The following HENMT1 variants were observed in gnomAD, a reference collection of about 807,000 sequenced individuals.
HENMT1 encodes HEN methyltransferase 1.
A neutral mutation model predicts 31.1 loss-of-function variants in HENMT1; 27 were observed. The ratio of observed to expected loss-of-function variants is 0.87; its 90% CI spans 0.64 to 1.20. HENMT1 has a LOEUF of 1.20. Ranked by LOEUF, HENMT1 falls within the 50% of genes most tolerant of loss-of-function variation. The pLI, the probability that HENMT1 is intolerant of heterozygous loss-of-function variation, is 0.00. For synonymous variants in HENMT1, 167 were observed against 172.2 expected, an observed-to-expected ratio of 0.97 and a Z score of 0.24; for missense variants, 438 against 469.6, an observed-to-expected ratio of 0.93 and a Z score of 0.62.
In HENMT1 at chr1:108,651,105, T is replaced by C. The variant is rs753365376; in HGVS notation, c.503A>G (p.Asn168Ser). ...IVISTPNSEF[N>S]PLFPSVTLRD... ...TAAGGTCACTGATGGAAACAGGGGA[T>C]TGAATTCAGAGTTTGGTGTGCTGAT... is the stretch of plus-strand genomic sequence containing the variant. Residue 168 changes from asparagine to serine, a missense_variant, in exon 6 of 8, where the codon AAT becomes AGT. By Grantham distance (46) the Asn-to-Ser change is conservative (BLOSUM62 1). Coordinates refer to ENST00000651461, the MANE Select transcript of HENMT1 (RefSeq NM_001102592.2). The C allele has an allele frequency of 1.9e-6, 3 of 1,613,954 alleles. No individual in the cohort carries two copies. Among genetic ancestry groups the C allele is most frequent in the Non-Finnish European group, 2.5e-6 (3 of 1,179,850 alleles).
intron 2 of HENMT1, among the ~76,000 whole-genome samples, chr1:108,658,904 G>A (rs555430798): frequency 1.3e-5 from 2 of 151,970 alleles, no homozygotes; most frequent in African/African-American, 4.8e-5. Context: ...GTAGTCCAAA[G>A]GGTATTTGAT....
chr1:108,656,966 C>A (rs191094497), intron 3 of HENMT1, among the ~76,000 whole-genome samples: 8 of 152,280 alleles, frequency 5.3e-5, no homozygotes, highest in Non-Finnish European at 1.2e-4. Context: ...AAGGAATCCA[C>A]CTGTGCTTTG....
chr1:108,656,498 CT>C (rs1167017266), intron 3 of HENMT1, among the ~76,000 whole-genome samples: 1 of 152,148 alleles, frequency 6.6e-6, no homozygotes, highest in Non-Finnish European at 1.5e-5. Flanking sequence ...ATCTAATTTT[CT>C]TTTTGAGACG....
chr1:108,658,008 C>T (rs1273045546), intron 2 of HENMT1, among the ~76,000 whole-genome samples: 5 of 144,182 alleles, frequency 3.5e-5, no homozygotes, highest in South Asian at 2.2e-4. Context: ...CACACACACA[C>T]ATATATGTAC....
At chr1:108,658,038 C>CAT (rs1289197785) in intron 2 of HENMT1, among the ~76,000 whole-genome samples, 5 of 123,758 alleles carry the variant, frequency 4.0e-5, no homozygotes, top group African/African-American at 7.1e-5. Context: ...CACACACACA[C>CAT]ATATATATAC....
In HENMT1 at chr1:108,648,473, A is replaced by G. The variant is rs1657940167; in HGVS notation, c.*93T>C. The stretch of plus-strand genomic sequence containing the variant: ...AGACTTTTGCAGTGAAACTTTAAAA[A>G]CATTACTTGAATTAGGATTACACAA... On this transcript the variant is annotated 3_prime_UTR_variant, in exon 8 of 8. Coordinates refer to ENST00000651461, the MANE Select transcript of HENMT1 (RefSeq NM_001102592.2). 9.2e-7 allele frequency: 1 copy of G among 1,081,782 alleles called. No individual in the cohort carries two copies. The highest frequency in any genetic ancestry group is 1.3e-6 in the Non-Finnish European group (1 of 760,852). 67.0% of individuals were successfully genotyped at this position (1,081,782 alleles called of 1,614,324 possible). A position where few individuals can be genotyped will look rare whatever the true frequency, so the allele number is the denominator to read the frequency against.
In HENMT1 at chr1:108,655,622, C is replaced by T. The variant is rs141386408; in HGVS notation, c.227G>A (p.Gly76Glu). 1 of 1,611,288 alleles carries T rather than the reference C, an allele frequency of 6.2e-7. No homozygotes were observed. Among genetic ancestry groups the T allele is most frequent in the Non-Finnish European group, 8.5e-7 (1 of 1,178,590 alleles). Residue 76 changes from glycine to glutamate, a missense_variant, in exon 4 of 8, where the codon GGA becomes GAA. By Grantham distance (98) the Gly-to-Glu change is moderately conservative (BLOSUM62 -2). Transcript: ENST00000651461. ...TAATTTATCCTCATTAATATCTACT[C>T]CAACAAGCAATTCAATGCATGGATT... ...KVNPCIELLVGVDINEDKLRW... is the reference protein window; with the variant it reads ...KVNPCIELLVEVDINEDKLRW...
chr1:108,651,343 G>T, intron 5 of HENMT1, 134 bp from the exon 6 acceptor site: 1 of 738,634 alleles, frequency 1.4e-6, no homozygotes, highest in Non-Finnish European at 2.2e-6. Flanking sequence ...ATGCTTATAT[G>T]ACCTAAGAAC....
chr1:108,657,984 CATATATATACACACACACACACACAT>C (rs1247359759), intron 2 of HENMT1, among the ~76,000 whole-genome samples: 2 of 140,862 alleles, frequency 1.4e-5, no homozygotes, highest in East Asian at 4.0e-4. Flanking sequence ...TACACACACA[CATATATATACACACACACACACACAT>C]ATATGTACAC....
Position 108,648,753 on chromosome 1 carries a change from G to A in HENMT1, c.995C>T (p.Pro332Leu). Residue 332 changes from proline to leucine, a missense_variant, in exon 8 of 8, where the codon CCC becomes CTC. Coordinates refer to ENST00000651461, the MANE Select transcript of HENMT1 (RefSeq NM_001102592.2). ...GAAAAATTTATCTCCAACACAGAAG[G>A]GTGTGGGAGAGTTCTCTATCTTGGC... ...EKAKIENSPT[P>L]FCVGDKFFVP... The A allele has an allele frequency of 6.2e-7, 1 of 1,614,144 alleles. No individual in the cohort carries two copies. Among genetic ancestry groups the A allele is most frequent in the Non-Finnish European group, 8.5e-7 (1 of 1,180,004 alleles).
chr1:108,654,495 G>C (rs1003301813), intron 5 of HENMT1, among the ~76,000 whole-genome samples: 1 of 152,058 alleles, frequency 6.6e-6, no homozygotes, highest in Non-Finnish European at 1.5e-5. Context: ...GGATAAAGGG[G>C]GGTATAGGTA....
At chr1:108,650,994 A>C in intron 6 of HENMT1, 36 bp downstream of exon 6, 2 of 1,465,222 alleles carry the variant, frequency 1.4e-6, no homozygotes, top group Non-Finnish European at 1.9e-6. Context: ...AAACTCCAAC[A>C]GGATCCCAAA....
At chr1:108,649,203 C>A in intron 7 of HENMT1, 1 of 629,136 alleles carries the variant, frequency 1.6e-6, no homozygotes, top group Non-Finnish European at 2.9e-6. Context: ...AATGCTAATG[C>A]CCAATGTCTC....
At position 108,648,380 on chromosome 1, in the gene HENMT1, A is replaced by G. The variant is rs1004371066; in HGVS notation, c.*186T>C. Reference sequence around the variant, plus strand: ...AGGAAAGCACCCGTTTTAAACCCTCATATCTTTCTCAGGGCTCACTGCAGT... The same window carrying G: ...AGGAAAGCACCCGTTTTAAACCCTCGTATCTTTCTCAGGGCTCACTGCAGT... On this transcript the variant is annotated 3_prime_UTR_variant, in exon 8 of 8. Transcript: ENST00000651461. 5.1e-6 allele frequency: 3 copies of G among 589,302 alleles called. No individual in the cohort carries two copies. Among genetic ancestry groups the G allele is most frequent in the Non-Finnish European group, 8.9e-6 (3 of 337,564 alleles). 36.5% of individuals were successfully genotyped at this position (589,302 alleles called of 1,614,324 possible).
chr1:108,654,971 C>A (rs185511230), intron 4 of HENMT1, 121 bp from the exon 5 acceptor site: 360 of 999,908 alleles, frequency 3.6e-4, no homozygotes, highest in Non-Finnish European at 4.9e-4. Context: ...TCTGACACAG[C>A]CTGTTTTCCT....
Position 108,660,121 on chromosome 1 carries a change from C to A in HENMT1, c.-78-159G>T, listed in dbSNP as rs77025075. On this transcript the variant is annotated intron_variant, in intron 1 of 7. Transcript: ENST00000651461. The stretch of plus-strand genomic sequence containing the variant: ...AATAATGAATTCACCTCTGAGTACT[C>A]AAAAAAAAAAAAAAAAACACGAAAG... 5.0e-3 allele frequency among the ~76,000 whole-genome samples: 629 copies of A among 125,646 alleles called. No homozygotes were observed. Among genetic ancestry groups the A allele is most frequent in the Admixed American group, 6.3e-3 (78 of 12,472 alleles). 82.4% of individuals were successfully genotyped at this position (125,646 alleles called of 152,430 possible). A position where few individuals can be genotyped will look rare whatever the true frequency, so the allele number is the denominator to read the frequency against.
chr1:108,650,431 A>T, intron 6 of HENMT1, 43 bp from the exon 7 acceptor site: 1 of 1,549,864 alleles, frequency 6.5e-7, no homozygotes, highest in East Asian at 2.2e-5. Context: ...CTAAATGTAG[A>T]GCTACTGTTA....
Position 108,649,006 on chromosome 1 carries a change from C to A in HENMT1, c.757-15G>T. 1.3e-6 allele frequency: 2 copies of A among 1,552,734 alleles called. No homozygotes were observed. Among genetic ancestry groups the A allele is most frequent in the South Asian group, 1.2e-5 (1 of 82,346 alleles). On this transcript the variant is annotated splice_polypyrimidine_tract_variant and intron_variant, in intron 7 of 7. Transcript: ENST00000651461. Reference sequence around the variant, plus strand: ...GTGGTAAAAACCTGAAGGGAAAAAACAAAACACTTACAAGTGTATAATAAT... The same window carrying A: ...GTGGTAAAAACCTGAAGGGAAAAAAAAAAACACTTACAAGTGTATAATAAT...
At chr1:108,650,557 A>C (rs1658020545) in intron 6 of HENMT1, among the ~76,000 whole-genome samples, 169 bp from the exon 7 acceptor site, 1 of 152,230 alleles carries the variant, frequency 6.6e-6, no homozygotes, top group African/African-American at 2.4e-5. Context: ...AGAGAAGTCA[A>C]GGCAAGGATA....
Sources: allele counts gnomAD v4.1 joint callset (sites outside exome capture counted in the v4.1 genomes callset), GRCh38; gene constraint gnomAD v4.1.1; transcripts MANE v1.5; gene names NCBI Gene and HGNC (gene_info 2026-07-23, HGNC 2026-07-21).